The following PARP10 variants were observed in gnomAD, a reference collection of about 807,000 sequenced individuals.
PARP10 encodes poly(ADP-ribose) polymerase family member 10.
A neutral mutation model predicts 82.4 loss-of-function variants in PARP10; 56 were observed. The observed-to-expected ratio is 0.68, with a 90% confidence interval of 0.55 to 0.85. PARP10 has a LOEUF of 0.85. Ranked by LOEUF, PARP10 falls within the 40% of genes least tolerant of loss-of-function variation. The pLI, the probability that PARP10 is intolerant of heterozygous loss-of-function variation, is 0.00. For missense variants in PARP10, 1,227 were observed against 1,379.4 expected (o/e 0.89, Z 1.75); for synonymous variants, 576 against 601.1 (o/e 0.96, Z 0.61).
upstream of PARP10, chr8:143,992,493 G>T: frequency 6.2e-7 from 1 of 1,614,148 alleles, no homozygotes; most frequent in Non-Finnish European, 8.5e-7. Flanking sequence ...TCATGCATGG[G>T]CGTGCTCCTG....
Position 143,983,761 on chromosome 8 carries a change from C to A in PARP10, c.1828G>T (p.Glu610Ter), listed in dbSNP as rs372516155. The A allele has an allele frequency of 6.2e-7, 1 of 1,611,998 alleles. No individual in the cohort carries two copies. The highest frequency in any genetic ancestry group is 1.3e-5 in the African/African-American group (1 of 74,900). Residue 610 changes from glutamate (E) to a stop codon, truncating the protein, a stop_gained, in exon 8 of 11, where the codon GAG (glutamate) becomes TAG (stop). Coordinates refer to ENST00000313028, the MANE Select transcript of PARP10 (RefSeq NM_032789.5). LOFTEE classifies it high-confidence loss of function. ...ATLEGLDLDG[E>*]DWLPRELEEE... ...TCCAGCTCCCGAGGCAGCCAGTCCT[C>A]CCCGTCTAGGTCTAGGCCCTCCAGG...
Position 143,984,971 on chromosome 8 carries a change from C to T in PARP10, c.1031G>A (p.Gly344Glu). ...SLRTGPMGSL[G>E]QAEQVSSMPM... ...CATCGAGCTGACTTGCTCTGCCTGT[C>T]CCAGAGACCCCATGGGACCTGTCCT... The change falls in exon 5 of 11, where the codon GGA becomes GAA. Residue 344 changes from glycine to glutamate, a missense_variant. Physicochemically the swap from Gly to Glu is moderately conservative, Grantham distance 98. Coordinates refer to ENST00000313028, the MANE Select transcript of PARP10 (RefSeq NM_032789.5). 6.2e-7 allele frequency: 1 copy of T among 1,613,888 alleles called. No individual in the cohort carries two copies.
In PARP10 at chr8:143,986,403, G is replaced by A. The variant is rs376283592; in HGVS notation, c.-44C>T. ...AGCCTCAGGCCATGAGCTCAGCCAG[G>A]ACTCCTGTGCCTGCCCCTCAGCAAG... On this transcript the variant is annotated 5_prime_UTR_variant, in exon 1 of 11. Coordinates refer to ENST00000313028, the MANE Select transcript of PARP10 (RefSeq NM_032789.5). The A allele has an allele frequency of 4.8e-5, 77 of 1,614,106 alleles. 1 individual carries two copies. Among genetic ancestry groups the A allele is most frequent in the South Asian group, 4.3e-4 (39 of 91,086 alleles).
At chr8:143,990,989 A>G (rs964282791), upstream of PARP10, 91 of 341,150 alleles carry the variant, frequency 2.7e-4, 1 homozygote, top group Admixed American at 2.8e-3. The surrounding 1 kb of genome is among the most constrained non-coding windows in gnomAD (Gnocchi z 5.6). Context: ...AAGGCGGCCT[A>G]GAGCCCTGGG....
intron 1 of PARP10, among the ~76,000 whole-genome samples, chr8:144,000,586 C>T (rs1834194508): frequency 6.6e-6 from 1 of 152,104 alleles, no homozygotes; most frequent in Non-Finnish European, 1.5e-5. Flanking sequence ...GCCGAGATCA[C>T]GCCACTGCAC....
upstream of PARP10, chr8:143,992,563 C>T: frequency 1.2e-6 from 2 of 1,614,190 alleles, no homozygotes; most frequent in Non-Finnish European, 1.7e-6. Flanking sequence ...GGAACCGCAT[C>T]CTGGAGATCG....
chr8:144,003,627 A>G (rs143558264), intron 1 of PARP10, among the ~76,000 whole-genome samples: 1,801 of 152,270 alleles, frequency 0.012, 15 homozygotes, highest in Middle Eastern at 0.037. Context: ...AAGCAGTGGC[A>G]TCTCCCTGAG....
At chr8:144,001,173 C>T (rs1554751676) in intron 1 of PARP10, among the ~76,000 whole-genome samples, 1 of 151,776 alleles carries the variant, frequency 6.6e-6, no homozygotes, top group Non-Finnish European at 1.5e-5. Flanking sequence ...CTCAGCCTCC[C>T]AAAGTGCTGG....
At chr8:143,992,224 G>A (rs1554750658), upstream of PARP10, 1 of 1,603,758 alleles carries the variant, frequency 6.2e-7, no homozygotes, top group South Asian at 1.1e-5. Context: ...CCCAAGGTCA[G>A]CCTGTGTCTC....
At position 143,986,081 on chromosome 8, in the gene PARP10, C is replaced by T; in HGVS notation, c.155G>A (p.Gly52Asp). ...VLSWQRLGCGGVLTFREPADA... is the reference protein window; with the variant it reads ...VLSWQRLGCGDVLTFREPADA... Reference sequence around the variant, plus strand: ...TGCAGGCTCTCTGAAGGTGAGGACGCCCCCACAGCCCAGTCTCTGCCAGCT... The same window carrying T: ...TGCAGGCTCTCTGAAGGTGAGGACGTCCCCACAGCCCAGTCTCTGCCAGCT... The change falls in exon 2 of 11, where the codon GGC (glycine) becomes GAC (aspartate). Residue 52 changes from glycine (G) to aspartate (D), a missense_variant. Physicochemically the swap from Gly to Asp is moderately conservative, Grantham distance 94. Coordinates refer to ENST00000313028, the MANE Select transcript of PARP10 (RefSeq NM_032789.5). 6.2e-7 allele frequency: 1 copy of T among 1,614,030 alleles called. No homozygotes were observed.
At chr8:143,989,978 A>AG (rs1193756391), upstream of PARP10, 5 of 152,002 alleles carry the variant, frequency 3.3e-5, no homozygotes, top group East Asian at 5.8e-4. This position sits in a 1 kb window ranked among gnomAD's most constrained non-coding sequence, Gnocchi z 4.3. Flanking sequence ...GCGCAGCGGG[A>AG]GGGGTCCGCG....
At chr8:144,009,107 A>T (rs1433506240) in intron 1 of PARP10, among the ~76,000 whole-genome samples, 1 of 152,178 alleles carries the variant, frequency 6.6e-6, no homozygotes, top group Non-Finnish European at 1.5e-5. Context: ...ACAGTGAAAG[A>T]GGAACCCGCC....
intron 1 of PARP10, among the ~76,000 whole-genome samples, chr8:144,010,853 G>A (rs966338011): frequency 2.6e-5 from 4 of 152,002 alleles, no homozygotes; most frequent in Non-Finnish European, 4.4e-5. Flanking sequence ...ACACTGCATT[G>A]CAGCCTGGGC....
upstream of PARP10, chr8:143,992,873 G>A: frequency 6.2e-7 from 1 of 1,602,954 alleles, no homozygotes; most frequent in Admixed American, 1.7e-5. Flanking sequence ...CCGCTCAGGT[G>A]GCACGGCTGG....
intron 1 of PARP10, among the ~76,000 whole-genome samples, chr8:144,004,717 G>A (rs1225777843): frequency 6.6e-6 from 1 of 152,164 alleles, no homozygotes; most frequent in African/African-American, 2.4e-5. Context: ...CTCCACTCAG[G>A]AACAGATTAT....
rs782689581 is a variant in PARP10, at chr8:144,008,468, C to G, written c.-80+4062G>C. On this transcript the variant is annotated intron_variant, in intron 1 of 3. Transcript: ENST00000530478. The surrounding 1 kb of genome is among the most constrained non-coding windows in gnomAD (Gnocchi z 4.0). ...ACAAACTGTGCAAAAGCCAGTGACC[C>G]AAGACGGGAAGGAGGAGATCTGACT... is the stretch of plus-strand genomic sequence containing the variant. Among the ~76,000 whole-genome samples the G allele has an allele frequency of 7.9e-5, 12 of 152,180 alleles. No individual in the cohort carries two copies. Among genetic ancestry groups the G allele is most frequent in the Non-Finnish European group, 1.8e-4 (12 of 68,036 alleles).
intron 1 of PARP10, among the ~76,000 whole-genome samples, chr8:143,997,471 G>C (rs1322827905): frequency 6.6e-6 from 1 of 152,100 alleles, no homozygotes. Flanking sequence ...GGCTATTTCT[G>C]GTTCTATCTT....
In PARP10 at chr8:143,984,262, A is replaced by T. The variant is rs1214626132; in HGVS notation, c.1628T>A (p.Val543Asp). The T allele has an allele frequency of 6.2e-7, 1 of 1,613,732 alleles. No individual in the cohort carries two copies. The highest frequency in any genetic ancestry group is 8.5e-7 in the Non-Finnish European group (1 of 1,179,824). ...TGTGGCCAGGCGCTCTGTCCCAAAG[A>T]CACACTGGAACTGAGCCTCCAGCCC... ...LQGLEAQFQC[V>D]FGTERLATAT... The change falls in exon 6 of 11, where the codon GTC (valine) becomes GAC (aspartate). Residue 543 changes from valine (V) to aspartate (D), a missense_variant. Coordinates refer to ENST00000313028, the MANE Select transcript of PARP10 (RefSeq NM_032789.5).
upstream of PARP10, chr8:143,991,194 C>G (rs1554750356): frequency 2.0e-6 from 3 of 1,526,038 alleles, no homozygotes; most frequent in Middle Eastern, 1.8e-4. Flanking sequence ...TGTCTGTCTT[C>G]TCTAGGGGCG....
Sources: gnomAD v4.1 joint callset for allele counts (sites outside exome capture counted in the v4.1 genomes callset) on GRCh38, gnomAD v4.1.1 for gene constraint, Gnocchi (gnomAD v3.1) non-coding constraint, MANE v1.5 for transcripts, NCBI Gene and HGNC (gene_info 2026-07-23, HGNC 2026-07-21) for gene names.